DMD: variants seen among roughly 807,000 people sequenced by gnomAD.
The protein encoded by DMD is dystrophin.
A neutral mutation model predicts 330.1 loss-of-function variants in DMD; 63 were observed. That is an observed-to-expected ratio of 0.19 (90% CI 0.16 to 0.24). DMD has a LOEUF of 0.24. Among genes scored for constraint, DMD ranks in the 10% least tolerant of loss-of-function variants. DMD has a pLI of 1.00. For missense variants in DMD, 3,344 were observed against 2,684.1 expected (o/e 1.25, Z -5.43); for synonymous variants, 1,223 against 959.8 (o/e 1.27, Z -5.07).
At chrX:31,586,347 T>C (rs1251639598) in intron 55 of DMD, among the ~76,000 whole-genome samples, 2 of 112,442 alleles carry the variant, frequency 1.8e-5, no homozygotes, top group Non-Finnish European at 3.8e-5. Context: ...ACACATAATG[T>C]TTGAAACAGA....
chrX:31,597,012 C>A (rs1278090439), intron 55 of DMD, among the ~76,000 whole-genome samples: 10 of 112,518 alleles, frequency 8.9e-5, no homozygotes, highest in African/African-American at 3.2e-4. Context: ...CTAGGCTTTG[C>A]CTCAAGAACT....
At chrX:31,123,728 G>A (rs2033179378) in intron 78 of DMD, among the ~76,000 whole-genome samples, 1 of 111,919 alleles carries the variant, frequency 8.9e-6, no homozygotes, top group African/African-American at 3.2e-5. Flanking sequence ...TTTACAACAT[G>A]GTGCCTGAAT....
chrX:31,852,825 A>C (rs2093553083), intron 48 of DMD, among the ~76,000 whole-genome samples: 1 of 112,550 alleles, frequency 8.9e-6, no homozygotes, highest in South Asian at 3.7e-4. Context: ...ATGCTTTTCT[A>C]TAAACTCCTT....
At chrX:31,819,574 ATGGC>A (rs2092708832) in intron 50 of DMD, among the ~76,000 whole-genome samples, 1 of 112,930 alleles carries the variant, frequency 8.9e-6, no homozygotes, top group Non-Finnish European at 1.9e-5. Flanking sequence ...CCCCTGGCCA[ATGGC>A]TGGCTGGATC....
chrX:32,225,626 T>G (rs2147931335), intron 43 of DMD, among the ~76,000 whole-genome samples: 1 of 110,990 alleles, frequency 9.0e-6, no homozygotes, highest in African/African-American at 3.3e-5. Flanking sequence ...ATCAGGGTGG[T>G]TTCTCACGGT....
At chrX:31,681,600 A>G (rs1300043540) in intron 52 of DMD, among the ~76,000 whole-genome samples, 2 of 112,695 alleles carry the variant, frequency 1.8e-5, no homozygotes, top group African/African-American at 6.4e-5. Flanking sequence ...GCCAAAGGGC[A>G]TGGGAGCCCA....
At chrX:31,292,400 A>T (rs766542110) in intron 62 of DMD, among the ~76,000 whole-genome samples, 76 of 112,285 alleles carry the variant, frequency 6.8e-4, no homozygotes, top group African/African-American at 2.4e-3. Context: ...AAATTAAAAT[A>T]ACAATGAGAT....
At chrX:32,096,521 A>G (rs2096507356) in intron 44 of DMD, among the ~76,000 whole-genome samples, 1 of 111,312 alleles carries the variant, frequency 9.0e-6, no homozygotes, top group African/African-American at 3.3e-5. Flanking sequence ...AGAAAGCTCA[A>G]ATAAATAATT....
intron 62 of DMD, among the ~76,000 whole-genome samples, chrX:31,264,417 T>C (rs914208473): frequency 1.2e-4 from 14 of 112,453 alleles, no homozygotes; most frequent in Non-Finnish European, 2.6e-4. Context: ...CATCTTTGTT[T>C]GGCCTTTCTG....
At chrX:31,941,226 C>T (rs934031912) in intron 45 of DMD, among the ~76,000 whole-genome samples, 3 of 111,492 alleles carry the variant, frequency 2.7e-5, no homozygotes, top group Non-Finnish European at 3.8e-5. Context: ...CATTACCATC[C>T]GATAGAAAAT....
At chrX:31,696,857 C>A (rs1195971976) in intron 52 of DMD, among the ~76,000 whole-genome samples, 1 of 111,927 alleles carries the variant, frequency 8.9e-6, no homozygotes, top group Non-Finnish European at 1.9e-5. Context: ...GGACTAGATT[C>A]ACAGACACAC....
chrX:31,892,937 C>T (rs952844202), intron 47 of DMD, among the ~76,000 whole-genome samples: 1 of 111,766 alleles, frequency 8.9e-6, no homozygotes, highest in African/African-American at 3.2e-5. Context: ...ATAAATTTCA[C>T]CTGTTTATTT....
At chrX:31,341,910 C>T (rs1376218175) in intron 61 of DMD, among the ~76,000 whole-genome samples, 1 of 110,576 alleles carries the variant, frequency 9.0e-6, no homozygotes, top group African/African-American at 3.3e-5. Flanking sequence ...CACACACACA[C>T]ACACACACAC....
At chrX:33,179,563 G>T (rs1005318546) in intron 1 of DMD, among the ~76,000 whole-genome samples, 1 of 108,398 alleles carries the variant, frequency 9.2e-6, no homozygotes, top group African/African-American at 3.4e-5. Flanking sequence ...GCGTGGTGGC[G>T]GGCGCCTGTA....
chrX:31,378,487 G>C (rs778367531), intron 60 of DMD, among the ~76,000 whole-genome samples: 2 of 111,295 alleles, frequency 1.8e-5, no homozygotes, highest in South Asian at 7.7e-4. Context: ...CAAAACTCCG[G>C]CACCGGTCAC....
chrX:31,899,309 C>A (rs1011644103), intron 47 of DMD, among the ~76,000 whole-genome samples: 1 of 105,609 alleles, frequency 9.5e-6, no homozygotes. Context: ...TCTGCTTCAA[C>A]TGACGATCTA....
intron 7 of DMD, among the ~76,000 whole-genome samples, chrX:32,762,180 CAAA>C (rs200943038): frequency 9.5e-6 from 1 of 104,872 alleles, no homozygotes; most frequent in Admixed American, 1.0e-4. Flanking sequence ...AAAAAAAAAT[CAAA>C]AAAAACAAAA....
At chrX:32,321,959 T>C (rs1432356172) in intron 41 of DMD, among the ~76,000 whole-genome samples, 2 of 111,371 alleles carry the variant, frequency 1.8e-5, no homozygotes, top group Non-Finnish European at 3.8e-5. Context: ...TTACCTAGTT[T>C]TTAAATAACA....
chrX:31,247,426 C>T (rs2048935450), intron 63 of DMD, among the ~76,000 whole-genome samples: 2 of 109,249 alleles, frequency 1.8e-5, no homozygotes, highest in African/African-American at 6.7e-5. Context: ...ATGGTGAAAC[C>T]CCGTCTCTAC....
Sources: gnomAD v4.1 joint callset for allele counts (sites outside exome capture counted in the v4.1 genomes callset) on GRCh38, gnomAD v4.1.1 for gene constraint, MANE v1.5 for transcripts, NCBI Gene and HGNC (gene_info 2026-07-23, HGNC 2026-07-21) for gene names.